The following HCLS1 variants were observed in gnomAD, a reference collection of about 807,000 sequenced individuals.
HCLS1 encodes the protein hematopoietic lineage cell-specific protein.
Under a neutral mutation model 68.6 loss-of-function variants are expected in HCLS1, and 44 were observed. That is an observed-to-expected ratio of 0.64 (90% CI 0.50 to 0.82). The LOEUF is 0.82. Among genes scored for constraint, HCLS1 ranks in the 40% least tolerant of loss-of-function variants. HCLS1 has a pLI of 0.00. For synonymous variants in HCLS1, 217 were observed against 225.8 expected (o/e 0.96, Z 0.35); for missense variants, 602 against 612.1 (o/e 0.98, Z 0.17).
intron 7 of HCLS1, 59 bp downstream of exon 7, chr3:121,637,083 CAGAA>C: frequency 8.2e-7 from 1 of 1,221,864 alleles, no homozygotes; most frequent in Non-Finnish European, 1.2e-6. Context: ...GGTGAGCTTC[CAGAA>C]AGGAAGGAAG....
intron 3 of HCLS1, 86 bp downstream of exon 3, chr3:121,657,193 C>T: frequency 9.0e-7 from 1 of 1,112,672 alleles, no homozygotes; most frequent in Non-Finnish European, 1.3e-6. Flanking sequence ...TATCCTTTTC[C>T]TCCCTCACCT....
At chr3:121,632,982 G>A (rs1463347857) in intron 11 of HCLS1, 85 bp downstream of exon 11, 1 of 881,942 alleles carries the variant, frequency 1.1e-6, no homozygotes, top group East Asian at 2.6e-5. Flanking sequence ...AGGCAAACCA[G>A]GATGGTTGGC....
intron 3 of HCLS1, among the ~76,000 whole-genome samples, chr3:121,654,465 C>G (rs1490525760): frequency 6.6e-6 from 1 of 151,838 alleles, no homozygotes; most frequent in African/African-American, 2.4e-5. Context: ...GAAAAGACAC[C>G]CTTGAGTCTT....
chr3:121,649,851 T>A (rs1937705350), intron 3 of HCLS1, among the ~76,000 whole-genome samples: 1 of 152,138 alleles, frequency 6.6e-6, no homozygotes, highest in Admixed American at 6.5e-5. Context: ...TCTGTGTTTG[T>A]TTTTTATTAC....
intron 2 of HCLS1, 49 bp downstream of exon 2, chr3:121,658,215 C>T (rs1383411000): frequency 1.5e-6 from 2 of 1,370,274 alleles, no homozygotes; most frequent in East Asian, 4.6e-5. Flanking sequence ...CAGATGCCCT[C>T]CTCACCCCAC....
At chr3:121,648,274 C>G (rs951215682) in intron 3 of HCLS1, among the ~76,000 whole-genome samples, 1 of 152,098 alleles carries the variant, frequency 6.6e-6, no homozygotes, top group South Asian at 2.1e-4. Flanking sequence ...GAAGGGACAC[C>G]TCTATCCCTA....
rs954717115 is a variant in HCLS1, at chr3:121,643,040, T to C, written c.400-59A>G. 19 of 1,396,094 alleles carry C rather than the reference T, an allele frequency of 1.4e-5. No individual in the cohort carries two copies. The Admixed American group carries it at 2.9e-4, about 21-fold the overall frequency. The allele number at this position is 1,396,094 out of a possible 1,614,324, so 86.5% of individuals were successfully genotyped here. A position where few individuals can be genotyped will look rare whatever the true frequency, so the allele number is the denominator to read the frequency against. ...CAGAGCTGACAGGTTTTCCTCTTCCTAACCTCCCCTTACTCCCAGCCAGCC... is the reference window on the plus strand; with the variant it reads ...CAGAGCTGACAGGTTTTCCTCTTCCCAACCTCCCCTTACTCCCAGCCAGCC... On this transcript the variant is annotated intron_variant, in intron 5 of 13. Coordinates refer to ENST00000314583, the MANE Select transcript of HCLS1 (RefSeq NM_005335.6).
At chr3:121,649,741 G>T (rs559464709) in intron 3 of HCLS1, among the ~76,000 whole-genome samples, 5 of 152,282 alleles carry the variant, frequency 3.3e-5, no homozygotes, top group Non-Finnish European at 7.4e-5. Context: ...TTAACTCTCA[G>T]ATATCCAATT....
intron 8 of HCLS1, 38 bp from the exon 9 acceptor site, chr3:121,635,842 G>C: frequency 6.3e-7 from 1 of 1,576,070 alleles, no homozygotes; most frequent in Non-Finnish European, 8.7e-7. Flanking sequence ...TGCGGGAGAG[G>C]GGCAAGGGTA....
chr3:121,641,021 A>G (rs958971800), intron 6 of HCLS1, among the ~76,000 whole-genome samples: 2 of 152,226 alleles, frequency 1.3e-5, no homozygotes, highest in Non-Finnish European at 2.9e-5. Flanking sequence ...GCACAAGGAC[A>G]TAAAGAGAAG....
Position 121,634,278 on chromosome 3 carries a change from C to A in HCLS1, c.832G>T (p.Ala278Ser). The change falls in exon 10 of 14, where the codon GCT becomes TCT. Residue 278 changes from alanine (A) to serine (S), a missense_variant. Ala to Ser is a moderately conservative substitution (Grantham distance 99). Coordinates refer to ENST00000314583, the MANE Select transcript of HCLS1 (RefSeq NM_005335.6). ...TCCATAGCTATCACTGGCTGTGGAG[C>A]CTCAGGGCTCCTCTTTGTCACAGCC... The part of the protein sequence containing the change: ...RKAVTKRSPE[A>S]PQPVIAMEEP... 6.2e-7 allele frequency: 1 copy of A among 1,614,146 alleles called. No individual in the cohort carries two copies.
chr3:121,660,374 C>T (rs1375990471), intron 1 of HCLS1, among the ~76,000 whole-genome samples: 1 of 152,182 alleles, frequency 6.6e-6, no homozygotes, highest in Admixed American at 6.5e-5. Flanking sequence ...TGGGCTCCAT[C>T]AGCACTTGGT....
At position 121,635,722 on chromosome 3, in the gene HCLS1, C is replaced by T. The variant is rs754501479; in HGVS notation, c.691+13G>A. On this transcript the variant is annotated intron_variant, in intron 9 of 13. Coordinates refer to ENST00000314583, the MANE Select transcript of HCLS1 (RefSeq NM_005335.6). ...GAAGTGAGGTGCATGGAGAGTGAAT[C>T]ACTAAGCCTCACCGGCTTCTATGGG... is the stretch of plus-strand genomic sequence containing the variant. 2 of 1,604,686 alleles carry T rather than the reference C, an allele frequency of 1.2e-6. No homozygotes were observed. Among genetic ancestry groups the T allele is most frequent in the South Asian group, 1.1e-5 (1 of 90,890 alleles).
intron 4 of HCLS1, among the ~76,000 whole-genome samples, chr3:121,646,596 AT>A (rs908875226): frequency 1.8e-4 from 20 of 111,170 alleles, no homozygotes; most frequent in South Asian, 1.0e-3. Context: ...TATAATATAT[AT>A]TAATATATAT....
intron 3 of HCLS1, among the ~76,000 whole-genome samples, chr3:121,648,634 T>G (rs904086854): frequency 6.6e-6 from 1 of 152,250 alleles, no homozygotes; most frequent in African/African-American, 2.4e-5. Flanking sequence ...ATACGTAGAA[T>G]GGCTGTCTCA....
At chr3:121,644,760 C>A (rs780894566) in intron 5 of HCLS1, 58 bp downstream of exon 5, 25 of 1,179,762 alleles carry the variant, frequency 2.1e-5, no homozygotes, top group Non-Finnish European at 3.1e-5. Context: ...CAGGGGTGAT[C>A]GTGGGCAATT....
chr3:121,635,671 G>A (rs878902160), intron 9 of HCLS1, 64 bp downstream of exon 9: 2 of 1,285,914 alleles, frequency 1.6e-6, no homozygotes, highest in Admixed American at 1.7e-5. Context: ...GATATAGTCT[G>A]GGGAAGAAAA....
At chr3:121,647,589 C>T (rs1937641487) in intron 3 of HCLS1, 141 bp from the exon 4 acceptor site, 1 of 737,860 alleles carries the variant, frequency 1.4e-6, no homozygotes, top group Admixed American at 2.7e-5. Flanking sequence ...AGTGATGGGT[C>T]TGGAAGTAAA....
At chr3:121,646,953 AT>A (rs1396120964) in intron 4 of HCLS1, among the ~76,000 whole-genome samples, 4 of 145,608 alleles carry the variant, frequency 2.7e-5, no homozygotes, top group African/African-American at 7.5e-5. Context: ...ATATATATCA[AT>A]TTTTTAATGT....
Sources: allele counts gnomAD v4.1 joint callset (sites outside exome capture counted in the v4.1 genomes callset), GRCh38; gene constraint gnomAD v4.1.1; transcripts MANE v1.5; gene names NCBI Gene and HGNC (gene_info 2026-07-23, HGNC 2026-07-21).